Variants in ADAMTS18 observed in about 807,000 individuals in gnomAD.
ADAMTS18 encodes the protein A disintegrin and metalloproteinase with thrombospondin motifs 18.
A neutral mutation model predicts 165.9 loss-of-function variants in ADAMTS18; 157 were observed. That is an observed-to-expected ratio of 0.95 (90% confidence interval 0.83 to 1.08). The LOEUF (loss-of-function observed/expected upper bound fraction) is 1.08, where lower values mean the gene tolerates loss of function less well. ADAMTS18 is among the 50% of genes least tolerant of loss of function. The probability of loss-of-function intolerance (pLI) is 0.00; values close to 1 mark genes in which losing one functional copy is unlikely to be tolerated. For synonymous variants in ADAMTS18, 782 were observed against 578.2 expected, an observed-to-expected ratio of 1.35 and a Z score of -5.06; for missense variants, 2,040 against 1,534.0, an observed-to-expected ratio of 1.33 and a Z score of -5.51.
At position 77,341,666 on chromosome 16, in the gene ADAMTS18, A is replaced by T. The variant is rs114179941; in HGVS notation, c.1710+38T>A. 1.9e-6 allele frequency: 3 copies of T among 1,550,276 alleles called. No homozygotes were observed. The African/African-American group carries it at 4.1e-5, about 21-fold the overall frequency. ...ACAGTTTGAATTCTATGCCTTATCA[A>T]ATTTCTGGAGCTAAAAACTAACAAG... is the stretch of plus-strand genomic sequence containing the variant. On this transcript the variant is annotated intron_variant, in intron 11 of 22. Transcript: ENST00000282849.
chr16:77,387,634 G>C lies in ADAMTS18; in HGVS notation c.496-19911C>G, dbSNP rs568778655. 1.1e-3 allele frequency among the ~76,000 whole-genome samples: 170 copies of C among 152,274 alleles called. 1 individual carries two copies. The highest frequency in any genetic ancestry group is 3.8e-3 in the African/African-American group (156 of 41,562). On this transcript the variant is annotated intron_variant, in intron 3 of 22. Transcript: ENST00000282849. ...CTTTCTTGTAATGAGGCGATTACAA[G>C]CTGCGTATCAGTGGCTTGTCATGAT...
chr16:77,292,122 A>G (rs536658501), intron 20 of ADAMTS18, among the ~76,000 whole-genome samples: 29 of 149,756 alleles, frequency 1.9e-4, no homozygotes, highest in African/African-American at 5.1e-4. Context: ...CCTCAGCAAC[A>G]TGGTGAAGCC....
At chr16:77,298,398 A>G (rs2055516552) in intron 17 of ADAMTS18, among the ~76,000 whole-genome samples, 1 of 152,104 alleles carries the variant, frequency 6.6e-6, no homozygotes, top group Admixed American at 6.5e-5. Context: ...TTTGTCTTCA[A>G]ATATAATCTG....
intron 12 of ADAMTS18, among the ~76,000 whole-genome samples, chr16:77,327,036 T>G (rs1346202995): frequency 6.6e-6 from 1 of 152,348 alleles, no homozygotes; most frequent in African/African-American, 2.4e-5. Flanking sequence ...CTCATTCTTT[T>G]GTTTTGGCTG....
intron 11 of ADAMTS18, among the ~76,000 whole-genome samples, chr16:77,336,582 T>C (rs2056314502): frequency 6.6e-6 from 1 of 152,210 alleles, no homozygotes; most frequent in Non-Finnish European, 1.5e-5. Flanking sequence ...TCTGATGACT[T>C]TGAGCTCTTG....
At chr16:77,326,275 G>A (rs2056094794) in intron 12 of ADAMTS18, among the ~76,000 whole-genome samples, 1 of 152,032 alleles carries the variant, frequency 6.6e-6, no homozygotes. Flanking sequence ...CATTACCACT[G>A]TTCACTCATT....
At chr16:77,425,521 C>T (rs1451753591) in intron 3 of ADAMTS18, among the ~76,000 whole-genome samples, 1 of 152,206 alleles carries the variant, frequency 6.6e-6, no homozygotes, top group Admixed American at 6.5e-5. Context: ...TATTACAAAG[C>T]TGGGCAGAAA....
intron 7 of ADAMTS18, among the ~76,000 whole-genome samples, chr16:77,359,654 G>T (rs995137153): frequency 6.6e-6 from 1 of 151,246 alleles, no homozygotes; most frequent in Non-Finnish European, 1.5e-5. Context: ...GTTATCAATT[G>T]ATCCTTGTAA....
intron 12 of ADAMTS18, among the ~76,000 whole-genome samples, chr16:77,331,959 C>G (rs1451960759): frequency 6.6e-6 from 1 of 152,144 alleles, no homozygotes; most frequent in Admixed American, 6.5e-5. Flanking sequence ...TTTAAAATGT[C>G]CTTTTGCTCT....
chr16:77,431,631 G>A lies in ADAMTS18; in HGVS notation c.179-20C>T. 6.2e-7 allele frequency: 1 copy of A among 1,612,530 alleles called. No individual in the cohort carries two copies. Among genetic ancestry groups the A allele is most frequent in the Non-Finnish European group, 8.5e-7 (1 of 1,179,714 alleles). On this transcript the variant is annotated intron_variant, in intron 2 of 22. Coordinates refer to ENST00000282849, the MANE Select transcript of ADAMTS18 (RefSeq NM_199355.4). Reference sequence around the variant, plus strand: ...CGTAATCTGCAATGGGAAAAGTTCAGCTGTCAGCACCCAGAGCCCACAATT... The same window carrying A: ...CGTAATCTGCAATGGGAAAAGTTCAACTGTCAGCACCCAGAGCCCACAATT...
intron 20 of ADAMTS18, 63 bp from the exon 21 acceptor site, chr16:77,291,541 G>A (rs973599053): frequency 3.3e-5 from 51 of 1,533,224 alleles, no homozygotes; most frequent in Non-Finnish European, 1.4e-5. Flanking sequence ...CTGGACAGAG[G>A]CAGTTTGACA....
intron 3 of ADAMTS18, among the ~76,000 whole-genome samples, chr16:77,370,790 G>GATATATATATAT (rs148727471): frequency 8.4e-4 from 124 of 147,070 alleles, no homozygotes; most frequent in African/African-American, 2.8e-3. Context: ...TAATAGCTAC[G>GATATATATATAT]ATATATATAT....
At chr16:77,373,526 A>G (rs2056907036) in intron 3 of ADAMTS18, among the ~76,000 whole-genome samples, 1 of 152,252 alleles carries the variant, frequency 6.6e-6, no homozygotes. Flanking sequence ...ATGCAAAGGC[A>G]TAAGAATGAT....
chr16:77,410,123 G>A (rs1005690227), intron 3 of ADAMTS18, among the ~76,000 whole-genome samples: 2 of 152,010 alleles, frequency 1.3e-5, no homozygotes, highest in Non-Finnish European at 2.9e-5. Flanking sequence ...ATGGCTCAGT[G>A]CACAAACACA....
intron 3 of ADAMTS18, among the ~76,000 whole-genome samples, chr16:77,409,202 T>C (rs1306507113): frequency 6.6e-6 from 1 of 152,138 alleles, no homozygotes; most frequent in Non-Finnish European, 1.5e-5. Context: ...TCTAAACATA[T>C]ATGCTATTTC....
chr16:77,372,700 C>T (rs1385067154), intron 3 of ADAMTS18, among the ~76,000 whole-genome samples: 3 of 152,170 alleles, frequency 2.0e-5, no homozygotes, highest in South Asian at 2.1e-4. Flanking sequence ...TTTCACAACC[C>T]GAGAAATCCC....
chr16:77,398,675 T>A (rs565142808), intron 3 of ADAMTS18, among the ~76,000 whole-genome samples: 121 of 152,274 alleles, frequency 7.9e-4, no homozygotes, highest in African/African-American at 2.9e-3. Context: ...ACAGGAAGTT[T>A]AGCAGCATTC....
chr16:77,345,362 A>G (rs2056460630), intron 10 of ADAMTS18, among the ~76,000 whole-genome samples: 1 of 152,180 alleles, frequency 6.6e-6, no homozygotes, highest in African/African-American at 2.4e-5. Context: ...AAAAAATCCT[A>G]GAGTCATCTT....
chr16:77,333,630 G>C (rs560864462), intron 12 of ADAMTS18, among the ~76,000 whole-genome samples: 1 of 151,574 alleles, frequency 6.6e-6, no homozygotes, highest in Non-Finnish European at 1.5e-5. Flanking sequence ...AGTGTATAGA[G>C]ATATCTGTAT....
Sources: gnomAD v4.1 joint callset for allele counts (sites outside exome capture counted in the v4.1 genomes callset) on GRCh38, gnomAD v4.1.1 for gene constraint, MANE v1.5 for transcripts, NCBI Gene and HGNC (gene_info 2026-07-23, HGNC 2026-07-21) for gene names.